Variants in PHF24 observed in about 807,000 individuals in gnomAD.
PHF24 encodes the protein PHD finger protein 24, also known as Galpha inhibitory interacting protein.
Under a neutral mutation model 42.6 loss-of-function variants are expected in PHF24, and 25 were observed. The observed-to-expected ratio is 0.59, with a 90% CI of 0.43 to 0.82. The LOEUF (loss-of-function observed/expected upper bound fraction) is 0.82, where lower values mean the gene tolerates loss of function less well. Ranked by LOEUF, PHF24 falls within the 40% of genes least tolerant of loss-of-function variation. The pLI, the probability that PHF24 is intolerant of heterozygous loss-of-function variation, is 0.00. For missense variants in PHF24, 470 were observed against 538.1 expected (o/e 0.87, Z 1.25); for synonymous variants, 185 against 204.8 (o/e 0.90, Z 0.83).
chr9:34,889,647 A>G, the PHF24 span: 1 of 398,552 alleles, frequency 2.5e-6, no homozygotes, highest in Admixed American at 4.4e-5. Flanking sequence ...TGGAAGGATG[A>G]TGCTCTTGTG....
At chr9:34,666,505 G>A in the PHF24 span, among the ~76,000 whole-genome samples, 3 of 152,048 alleles carry the variant, frequency 2.0e-5, no homozygotes, top group Non-Finnish European at 4.4e-5. Context: ...CTGAATGGCC[G>A]GAGGGTCATT....
chr9:34,706,670 C>T, the PHF24 span, among the ~76,000 whole-genome samples: 1 of 152,134 alleles, frequency 6.6e-6, no homozygotes, highest in Non-Finnish European at 1.5e-5. Context: ...AAATACCAGG[C>T]ATGCAGGTGT....
chr9:34,842,163 T>C, the PHF24 span, among the ~76,000 whole-genome samples: 1 of 152,246 alleles, frequency 6.6e-6, no homozygotes, highest in Admixed American at 6.5e-5. Flanking sequence ...TGTATATTAT[T>C]AGTTCATTCC....
the PHF24 span, chr9:34,892,572 G>A: frequency 2.3e-6 from 1 of 430,126 alleles, no homozygotes; most frequent in Non-Finnish European, 4.1e-6. Context: ...AGTTGGAAAG[G>A]AATGTAGGGT....
chr9:34,676,935 C>T, the PHF24 span, among the ~76,000 whole-genome samples: 1 of 152,218 alleles, frequency 6.6e-6, no homozygotes, highest in Admixed American at 6.5e-5. Context: ...GAAATCCATT[C>T]CCGTGATCCA....
the PHF24 span, among the ~76,000 whole-genome samples, chr9:34,908,335 G>A: frequency 6.6e-6 from 1 of 152,154 alleles, no homozygotes; most frequent in Non-Finnish European, 1.5e-5. Flanking sequence ...TTTAAATTGG[G>A]TACATTTGTT....
chr9:34,847,683 T>C, the PHF24 span, among the ~76,000 whole-genome samples: 9 of 151,892 alleles, frequency 5.9e-5, no homozygotes, highest in African/African-American at 2.2e-4. Flanking sequence ...TGTGCCAGTT[T>C]TCAAAGGGAA....
At chr9:34,965,900 G>A (rs1826751887) in intron 1 of PHF24, among the ~76,000 whole-genome samples, 2 of 152,044 alleles carry the variant, frequency 1.3e-5, no homozygotes, top group South Asian at 4.1e-4. Context: ...TTTTTTTCCA[G>A]ATCTCCAAAT....
the PHF24 span, among the ~76,000 whole-genome samples, chr9:34,815,425 C>T: frequency 6.6e-6 from 1 of 152,090 alleles, no homozygotes; most frequent in Non-Finnish European, 1.5e-5. Flanking sequence ...TGGGTTCACA[C>T]CATTCTCCTG....
At chr9:34,919,002 T>C in the PHF24 span, among the ~76,000 whole-genome samples, 1 of 152,170 alleles carries the variant, frequency 6.6e-6, no homozygotes, top group African/African-American at 2.4e-5. Context: ...TTTTCAAACA[T>C]TTCACAAACG....
the PHF24 span, among the ~76,000 whole-genome samples, chr9:34,888,321 T>C: frequency 2.6e-5 from 4 of 152,212 alleles, no homozygotes; most frequent in Non-Finnish European, 5.9e-5. Flanking sequence ...CTGTGTATCG[T>C]TCACTGTTAT....
chr9:34,910,482 T>C, the PHF24 span, among the ~76,000 whole-genome samples: 1 of 152,200 alleles, frequency 6.6e-6, no homozygotes, highest in East Asian at 1.9e-4. Context: ...AAAATAAGTA[T>C]GTGAGGTAGT....
the PHF24 span, among the ~76,000 whole-genome samples, chr9:34,670,181 G>T: frequency 1.3e-5 from 2 of 152,080 alleles, no homozygotes; most frequent in African/African-American, 4.8e-5. Context: ...TTTTCATTTG[G>T]CTGTTTCTGA....
upstream of PHF24, among the ~76,000 whole-genome samples, chr9:34,956,244 T>C (rs1287221595): frequency 1.3e-5 from 2 of 152,190 alleles, no homozygotes; most frequent in Non-Finnish European, 2.9e-5. Flanking sequence ...TGCCTGGCAT[T>C]GTACAGATAC....
the PHF24 span, among the ~76,000 whole-genome samples, chr9:34,870,574 C>T: frequency 3.2e-5 from 1 of 30,954 alleles, no homozygotes; most frequent in African/African-American, 6.1e-5. Flanking sequence ...TAAGGTTCTT[C>T]CATGTCTTTT....
intron 1 of PHF24, among the ~76,000 whole-genome samples, chr9:34,960,684 G>A (rs1415133439): frequency 1.3e-5 from 2 of 152,152 alleles, no homozygotes; most frequent in Non-Finnish European, 2.9e-5. Context: ...TCATGACCCT[G>A]GAAAAATCAC....
the PHF24 span, chr9:34,833,261 G>T: frequency 6.4e-7 from 1 of 1,550,740 alleles, no homozygotes; most frequent in Non-Finnish European, 8.7e-7. Context: ...GTTCACACTG[G>T]CCTCTACCTG....
chr9:34,831,115 A>G, the PHF24 span, among the ~76,000 whole-genome samples: 1 of 152,194 alleles, frequency 6.6e-6, no homozygotes, highest in African/African-American at 2.4e-5. Flanking sequence ...TTCTTTTGAC[A>G]GCCAAGGTGA....
chr9:34,810,313 C>T, the PHF24 span, among the ~76,000 whole-genome samples: 1 of 152,158 alleles, frequency 6.6e-6, no homozygotes, highest in Admixed American at 6.5e-5. Context: ...ACAGCTGCCT[C>T]TATTGGGGGG....
Sources: gnomAD v4.1 joint callset for allele counts (sites outside exome capture counted in the v4.1 genomes callset) on GRCh38, gnomAD v4.1.1 for gene constraint, MANE v1.5 for transcripts, NCBI Gene and HGNC (gene_info 2026-07-23, HGNC 2026-07-21) for gene names.